Variants in ATP10D observed in about 807,000 individuals in gnomAD.
ATP10D encodes phospholipid-transporting ATPase VD.
ATP10D carries 89 observed loss-of-function variants against 144.8 expected under a neutral mutation model. The observed-to-expected ratio is 0.61, with a 90% CI of 0.52 to 0.73. The LOEUF (loss-of-function observed/expected upper bound fraction) is 0.73, where lower values mean the gene tolerates loss of function less well. Ranked by LOEUF, ATP10D falls within the 30% of genes least tolerant of loss-of-function variation. The pLI is 0.00. For missense variants in ATP10D, 1,603 were observed against 1,714.8 expected (o/e 0.93, Z 1.15); for synonymous variants, 571 against 615.1 (o/e 0.93, Z 1.06).
chr4:47,544,733 T>C (rs1718322919), intron 9 of ATP10D, among the ~76,000 whole-genome samples: 1 of 152,194 alleles, frequency 6.6e-6, no homozygotes, highest in African/African-American at 2.4e-5. Flanking sequence ...CCTTAAAGAA[T>C]ACAGACAAAA....
At position 47,591,994 on chromosome 4, in the gene ATP10D, AT is replaced by A. The variant is rs1721072152; in HGVS notation, c.*614del. On this transcript the variant is annotated 3_prime_UTR_variant, in exon 23 of 23. Transcript: ENST00000273859. ...TGGTCTTCTGGCTGAAGATGTAGGC[AT>A]ACCTCTCACTCATTTCAATGTTTTC... 1 of 152,180 alleles carries A rather than the reference AT, an allele frequency of 6.6e-6. No individual in the cohort carries two copies. The highest frequency in any genetic ancestry group is 1.5e-5 in the Non-Finnish European group (1 of 68,024). 9.4% of individuals were successfully genotyped at this position (152,180 alleles called of 1,614,324 possible). A position where few individuals can be genotyped will look rare whatever the true frequency, so the allele number is the denominator to read the frequency against.
In ATP10D at chr4:47,525,633, G is replaced by C; in HGVS notation, c.767G>C (p.Arg256Pro). Residue 256 changes from arginine to proline, a missense_variant, in exon 5 of 23, where the codon CGA becomes CCA. Transcript: ENST00000273859. ...ESPNNDLSRF[R>P]GFLEHSNKER... Reference sequence around the variant, plus strand: ...CCAAACAATGACCTCAGCAGATTCCGAGGCTTCCTGTGAGTAATACATGAT... The same window carrying C: ...CCAAACAATGACCTCAGCAGATTCCCAGGCTTCCTGTGAGTAATACATGAT... 1 of 1,611,562 alleles carries C rather than the reference G, an allele frequency of 6.2e-7. No homozygotes were observed. The highest frequency in any genetic ancestry group is 8.5e-7 in the Non-Finnish European group (1 of 1,177,800).
At chr4:47,571,060 A>G (rs952185729) in intron 16 of ATP10D, among the ~76,000 whole-genome samples, 17 of 151,888 alleles carry the variant, frequency 1.1e-4, no homozygotes, top group African/African-American at 4.1e-4. Flanking sequence ...TTTCCATCCT[A>G]TCCTATTAAC....
intron 1 of ATP10D, among the ~76,000 whole-genome samples, chr4:47,496,413 T>C (rs960586685): frequency 6.6e-6 from 1 of 152,148 alleles, no homozygotes; most frequent in Admixed American, 6.5e-5. Flanking sequence ...TGCCTCAGCC[T>C]CCCAAAGTGC....
At chr4:47,575,114 G>A (rs1364592092) in intron 18 of ATP10D, among the ~76,000 whole-genome samples, 1 of 152,082 alleles carries the variant, frequency 6.6e-6, no homozygotes, top group East Asian at 1.9e-4. Context: ...ACTGCATCCG[G>A]CCGATGATGA....
chr4:47,573,732 C>T (rs1483746616), intron 18 of ATP10D, among the ~76,000 whole-genome samples: 1 of 152,092 alleles, frequency 6.6e-6, no homozygotes, highest in Admixed American at 6.5e-5. Flanking sequence ...CACTCTTAGT[C>T]TTTAAAGTCC....
At chr4:47,494,520 C>T (rs528456126) in intron 1 of ATP10D, among the ~76,000 whole-genome samples, 10 of 93,912 alleles carry the variant, frequency 1.1e-4, no homozygotes, top group Non-Finnish European at 2.4e-4. Context: ...TTAAGTACCT[C>T]ATTTATTGCT....
rs1717198377 is a variant in ATP10D at position 47,525,590 on chromosome 4, A to G, written c.724A>G (p.Arg242Gly). 1 of 1,613,644 alleles carries G rather than the reference A, an allele frequency of 6.2e-7. No individual in the cohort carries two copies. ...SEVDPEKFSS[R>G]IECESPNNDL... ...AGTTGATCCTGAGAAGTTTTCCAGTAGGATAGAATGTGAAAGCCCAAACAA... is the reference window on the plus strand; with the variant it reads ...AGTTGATCCTGAGAAGTTTTCCAGTGGGATAGAATGTGAAAGCCCAAACAA... Residue 242 changes from arginine (R) to glycine (G), a missense_variant, in exon 5 of 23, where the codon AGG (arginine) becomes GGG (glycine). By Grantham distance (125) the Arg-to-Gly change is moderately radical. Transcript: ENST00000273859.
Position 47,554,807 on chromosome 4 carries a change from A to G in ATP10D, c.1717A>G (p.Thr573Ala). 1 of 1,614,086 alleles carries G rather than the reference A, an allele frequency of 6.2e-7. No homozygotes were observed. The highest frequency in any genetic ancestry group is 8.5e-7 in the Non-Finnish European group (1 of 1,179,936). ...TPRLFMPLDE[T>A]IQNPPMETLY... Reference sequence around the variant, plus strand: ...TCGGCTCTTTATGCCACTAGATGAGACCATCCAAAATCCACCAATGGAAAC... The same window carrying G: ...TCGGCTCTTTATGCCACTAGATGAGGCCATCCAAAATCCACCAATGGAAAC... Residue 573 changes from threonine (T) to alanine (A), a missense_variant, in exon 11 of 23, where the codon ACC (threonine) becomes GCC (alanine). Transcript: ENST00000273859.
At position 47,524,314 on chromosome 4, in the gene ATP10D, C is replaced by G. The variant is rs149912721; in HGVS notation, c.690+1098C>G. On this transcript the variant is annotated intron_variant, in intron 4 of 22. Coordinates refer to ENST00000273859, the MANE Select transcript of ATP10D (RefSeq NM_020453.4). ...AAAAAAGTGGTTTAGCCTACTAATA[C>G]CTTTATCTTTGGTAAATTTCATCTT... 1.1e-3 allele frequency among the ~76,000 whole-genome samples: 175 copies of G among 152,178 alleles called. 3 individuals are homozygous for G. Among genetic ancestry groups the G allele is most frequent in the African/African-American group, 4.2e-3 (173 of 41,516 alleles).
intron 13 of ATP10D, among the ~76,000 whole-genome samples, chr4:47,559,691 T>A (rs1178112680): frequency 6.6e-6 from 1 of 152,108 alleles, no homozygotes; most frequent in Non-Finnish European, 1.5e-5. Context: ...CCCAAGGAAC[T>A]CAGTCAACCA....
chr4:47,489,254 C>G (rs1476270292), intron 1 of ATP10D, among the ~76,000 whole-genome samples: 1 of 151,982 alleles, frequency 6.6e-6, no homozygotes, highest in Non-Finnish European at 1.5e-5. Flanking sequence ...CATTAACAAA[C>G]GTGGACAACA....
chr4:47,568,784 G>A (rs182197786), intron 15 of ATP10D, 53 bp from the exon 16 acceptor site: 2 of 1,489,274 alleles, frequency 1.3e-6, no homozygotes, highest in African/African-American at 2.8e-5. Context: ...AATGTAACTG[G>A]TTCTGACACC....
chr4:47,546,494 G>A, intron 9 of ATP10D, 130 bp from the exon 10 acceptor site: 2 of 775,408 alleles, frequency 2.6e-6, no homozygotes, highest in Non-Finnish European at 4.4e-6. Context: ...GCTATGGGAG[G>A]TAGGCCTTGG....
At chr4:47,498,496 A>G (rs1328711084) in intron 1 of ATP10D, among the ~76,000 whole-genome samples, 2 of 152,222 alleles carry the variant, frequency 1.3e-5, no homozygotes, top group African/African-American at 2.4e-5. Flanking sequence ...TACTTTCTCC[A>G]GCAAAATCTT....
rs1449555918 is a variant in ATP10D, at chr4:47,593,155, A to C, written c.*1774A>C. ...TCTAAGGACAAAGAATGATCCAAAA[A>C]TACTAAGGAAAAAGAACAATTTTCA... On this transcript the variant is annotated 3_prime_UTR_variant, in exon 23 of 23. Coordinates refer to ENST00000273859, the MANE Select transcript of ATP10D (RefSeq NM_020453.4). The C allele has an allele frequency of 1.3e-5, 2 of 152,122 alleles. No homozygotes were observed. Among genetic ancestry groups the C allele is most frequent in the Admixed American group, 1.3e-4 (2 of 15,248 alleles). The allele number at this position is 152,122 out of a possible 1,614,324, so 9.4% of individuals were successfully genotyped here. A position where few individuals can be genotyped will look rare whatever the true frequency, so the allele number is the denominator to read the frequency against.
chr4:47,495,173 T>C (rs375197499), intron 1 of ATP10D, among the ~76,000 whole-genome samples: 12 of 152,310 alleles, frequency 7.9e-5, no homozygotes, highest in African/African-American at 2.9e-4. Flanking sequence ...AAGAAACTTA[T>C]ATACTAAGTT....
intron 5 of ATP10D, among the ~76,000 whole-genome samples, chr4:47,534,723 A>C (rs1717751024): frequency 6.6e-6 from 1 of 152,122 alleles, no homozygotes; most frequent in East Asian, 1.9e-4. Flanking sequence ...TTCCCTCATC[A>C]ATTACTAAGT....
chr4:47,515,748 A>G (rs1716644854), intron 3 of ATP10D, 78 bp downstream of exon 3: 7 of 1,151,366 alleles, frequency 6.1e-6, no homozygotes, highest in African/African-American at 3.1e-5. Context: ...TTTTCTCCTT[A>G]GGTGTGACCA....
Sources: gnomAD v4.1 joint callset for allele counts (sites outside exome capture counted in the v4.1 genomes callset) on GRCh38, gnomAD v4.1.1 for gene constraint, MANE v1.5 for transcripts, NCBI Gene and HGNC (gene_info 2026-07-23, HGNC 2026-07-21) for gene names.